ADCY2: variants seen among roughly 807,000 people sequenced by gnomAD.
ADCY2 encodes the protein adenylate cyclase type 2.
In ADCY2, 31 loss-of-function variants were observed where a neutral mutation model predicts 125.2. The observed-to-expected ratio is 0.25, with a 90% CI of 0.19 to 0.33. The LOEUF is 0.33. Ranked by LOEUF, ADCY2 falls within the 10% of genes least tolerant of loss-of-function variation. The probability of loss-of-function intolerance (pLI) is 1.00; values close to 1 mark genes in which losing one functional copy is unlikely to be tolerated. For missense variants in ADCY2, 904 were observed against 1,418.2 expected (o/e 0.64, Z 5.82); for synonymous variants, 512 against 548.4 (o/e 0.93, Z 0.93).
At position 7,543,252 on chromosome 5, in the gene ADCY2, G is replaced by A. The variant is rs144199659; in HGVS notation, c.570+22353G>A. 1.3e-3 allele frequency among the ~76,000 whole-genome samples: 196 copies of A among 151,922 alleles called. 1 individual carries two copies. Among genetic ancestry groups the A allele is most frequent in the African/African-American group, 4.5e-3 (188 of 41,444 alleles). On this transcript the variant is annotated intron_variant, in intron 3 of 24. Coordinates refer to ENST00000338316, the MANE Select transcript of ADCY2 (RefSeq NM_020546.3). Reference sequence around the variant, plus strand: ...TGCTTGGTGTACATCATATTCAAAGGCATCATTAAAATAAATATGTTCACC... The same window carrying A: ...TGCTTGGTGTACATCATATTCAAAGACATCATTAAAATAAATATGTTCACC...
At chr5:7,664,704 T>A (rs900258175) in intron 4 of ADCY2, among the ~76,000 whole-genome samples, 13 of 152,176 alleles carry the variant, frequency 8.5e-5, no homozygotes, top group Non-Finnish European at 1.9e-4. Context: ...AAAATCACCT[T>A]CTATAGAGAA....
rs375911735 is a variant in ADCY2 at position 7,727,186 on chromosome 5, C to T, written c.1796C>T (p.Ala599Val). The change falls in exon 14 of 25, where the codon GCG becomes GTG. Residue 599 changes from alanine to valine, a missense_variant. Physicochemically the swap from Ala to Val is moderately conservative, Grantham distance 64. This residue lies in a region of ADCY2 where 144 missense variants were observed against 227.7 expected (regional missense o/e 0.63). Coordinates refer to ENST00000338316, the MANE Select transcript of ADCY2 (RefSeq NM_020546.3). ...CAGTACCGGGCCACGGCACTGCCAG[C>T]GTTCAAGTATTATGTGACTTGTGCC... ...EKEYRATALP[A>V]FKYYVTCACL... 7 of 1,614,050 alleles carry T rather than the reference C, an allele frequency of 4.3e-6. No homozygotes were observed. The highest frequency in any genetic ancestry group is 1.3e-5 in the African/African-American group (1 of 75,050).
intron 4 of ADCY2, among the ~76,000 whole-genome samples, chr5:7,662,090 C>T (rs1231364178): frequency 6.6e-6 from 1 of 152,188 alleles, no homozygotes; most frequent in East Asian, 1.9e-4. Context: ...CTCCTTACCA[C>T]GCATAGCCTC....
intron 3 of ADCY2, among the ~76,000 whole-genome samples, chr5:7,623,014 G>A (rs997044593): frequency 6.6e-6 from 1 of 152,196 alleles, no homozygotes; most frequent in East Asian, 1.9e-4. Flanking sequence ...AAATAAGTGG[G>A]GAGTGGGATT....
intron 3 of ADCY2, among the ~76,000 whole-genome samples, chr5:7,621,826 T>A (rs1363116678): frequency 1.3e-5 from 2 of 152,126 alleles, no homozygotes; most frequent in Non-Finnish European, 2.9e-5. Flanking sequence ...CATCAAGAGA[T>A]GATGGGGTGC....
At chr5:7,524,121 T>C (rs543423610) in intron 3 of ADCY2, among the ~76,000 whole-genome samples, 2 of 152,326 alleles carry the variant, frequency 1.3e-5, no homozygotes, top group South Asian at 4.1e-4. Flanking sequence ...TCTCAGGCCA[T>C]GATGTATCAC....
At chr5:7,645,607 A>G (rs964787368) in intron 4 of ADCY2, among the ~76,000 whole-genome samples, 32 of 152,142 alleles carry the variant, frequency 2.1e-4, no homozygotes, top group African/African-American at 7.5e-4. Flanking sequence ...AAATACATTA[A>G]TTTCTGCCCA....
chr5:7,569,745 G>A (rs140148182), intron 3 of ADCY2, among the ~76,000 whole-genome samples: 306 of 152,216 alleles, frequency 2.0e-3, no homozygotes, highest in Non-Finnish European at 3.3e-3. Flanking sequence ...AGTTGAAATG[G>A]TGAACTGCTC....
chr5:7,768,765 C>G (rs1383728574), intron 17 of ADCY2, among the ~76,000 whole-genome samples: 1 of 152,168 alleles, frequency 6.6e-6, no homozygotes, highest in East Asian at 1.9e-4. Flanking sequence ...TAGGGTCTCT[C>G]AAATCTAGGT....
At chr5:7,397,650 A>AGCT (rs1561003267) in intron 1 of ADCY2, among the ~76,000 whole-genome samples, 1 of 152,148 alleles carries the variant, frequency 6.6e-6, no homozygotes, top group South Asian at 2.1e-4. Context: ...GTCCGGAGCC[A>AGCT]GATGGTGTTC....
intron 20 of ADCY2, among the ~76,000 whole-genome samples, chr5:7,793,396 A>G (rs1744317093): frequency 6.6e-6 from 1 of 152,212 alleles, no homozygotes; most frequent in African/African-American, 2.4e-5. Flanking sequence ...AATTGCAGCG[A>G]GCCGAGATCG....
intron 18 of ADCY2, among the ~76,000 whole-genome samples, chr5:7,780,363 G>A (rs1410873883): frequency 6.6e-6 from 1 of 152,174 alleles, no homozygotes; most frequent in East Asian, 1.9e-4. Flanking sequence ...TTTCTGCATC[G>A]TTTGATACTG....
intron 1 of ADCY2, among the ~76,000 whole-genome samples, chr5:7,408,709 A>T (rs999321619): frequency 1.3e-5 from 2 of 152,110 alleles, no homozygotes; most frequent in African/African-American, 4.8e-5. Context: ...AAAAACAAAA[A>T]ACCAAAAACA....
intron 4 of ADCY2, among the ~76,000 whole-genome samples, chr5:7,666,000 G>A (rs1407711983): frequency 1.6e-4 from 24 of 150,234 alleles, no homozygotes; most frequent in African/African-American, 4.9e-4. Flanking sequence ...CACTATGCCC[G>A]GCTAATTTTT....
At chr5:7,794,839 A>G (rs2126511981) in intron 20 of ADCY2, 1 of 152,246 alleles carries the variant, frequency 6.6e-6, no homozygotes, top group Middle Eastern at 3.4e-3. Flanking sequence ...CAGCTGAATG[A>G]TAACGGTGCC....
At chr5:7,771,108 C>G (rs75761934) in intron 17 of ADCY2, among the ~76,000 whole-genome samples, 3 of 152,136 alleles carry the variant, frequency 2.0e-5, no homozygotes, top group Non-Finnish European at 4.4e-5. Flanking sequence ...GGCCTCAGAC[C>G]TGCCCTGAAG....
At position 7,577,588 on chromosome 5, in the gene ADCY2, C is replaced by T. The variant is rs192168175; in HGVS notation, c.571-48579C>T. 3.3e-3 allele frequency among the ~76,000 whole-genome samples: 496 copies of T among 152,164 alleles called. 2 individuals carry two copies. The highest frequency in any genetic ancestry group is 4.0e-3 in the Non-Finnish European group (270 of 68,000). ...GTGAGCCTGGCTCCAGTCATGAGTC[C>T]AAGAACAGCTGATGAAACTTAGGAG... On this transcript the variant is annotated intron_variant, in intron 3 of 24. Transcript: ENST00000338316.
At chr5:7,788,050 T>C (rs1579436410) in intron 19 of ADCY2, among the ~76,000 whole-genome samples, 1 of 152,228 alleles carries the variant, frequency 6.6e-6, no homozygotes, top group Non-Finnish European at 1.5e-5. Flanking sequence ...ATTTATTTTT[T>C]TTTTTAAATC....
intron 3 of ADCY2, among the ~76,000 whole-genome samples, chr5:7,572,646 A>G (rs1177513964): frequency 6.6e-6 from 1 of 152,036 alleles, no homozygotes; most frequent in East Asian, 1.9e-4. Flanking sequence ...CTTAGATCCC[A>G]CTTGTCAATT....
Sources: allele counts gnomAD v4.1 joint callset (sites outside exome capture counted in the v4.1 genomes callset), GRCh38; gene constraint gnomAD v4.1.1; regional missense constraint gnomAD v4.1.1; transcripts MANE v1.5; gene names NCBI Gene and HGNC (gene_info 2026-07-23, HGNC 2026-07-21).